Variants in ME1 observed in about 807,000 individuals in gnomAD.
The protein encoded by ME1 is NADP-dependent malic enzyme.
In ME1, 74 loss-of-function variants were observed where a neutral mutation model predicts 66.4. The observed-to-expected ratio is 1.11, with a 90% CI of 0.92 to 1.35. ME1 has a LOEUF of 1.35. Among genes scored for constraint, ME1 ranks in the 40% most tolerant of loss-of-function variants. The probability of loss-of-function intolerance (pLI) is 0.00; values close to 1 mark genes in which losing one functional copy is unlikely to be tolerated. For missense variants in ME1, 750 were observed against 694.1 expected (o/e 1.08, Z -0.90); for synonymous variants, 251 against 235.6 (o/e 1.07, Z -0.60).
chr6:83,225,753 T>A (rs994581266), intron 11 of ME1, among the ~76,000 whole-genome samples: 1 of 150,726 alleles, frequency 6.6e-6, no homozygotes, highest in African/African-American at 2.4e-5. Flanking sequence ...AACTAAATTA[T>A]TACTTCATAT....
chr6:83,428,192 G>T (rs949311201), intron 1 of ME1, among the ~76,000 whole-genome samples: 3 of 151,966 alleles, frequency 2.0e-5, no homozygotes, highest in Non-Finnish European at 1.5e-5. Flanking sequence ...ACACAAAAAG[G>T]AAAGAATTAA....
At chr6:83,231,462 A>C (rs1255802941) in intron 9 of ME1, among the ~76,000 whole-genome samples, 2 of 152,182 alleles carry the variant, frequency 1.3e-5, no homozygotes, top group Non-Finnish European at 2.9e-5. Flanking sequence ...AAAACAGAAG[A>C]AGCAAAAGAC....
chr6:83,228,694 G>T (rs1790243813), intron 10 of ME1, 132 bp downstream of exon 10: 1 of 653,708 alleles, frequency 1.5e-6, no homozygotes. Flanking sequence ...TCTCTACAGG[G>T]TACTGTCGCT....
intron 9 of ME1, among the ~76,000 whole-genome samples, chr6:83,230,702 C>G (rs541811140): frequency 6.6e-6 from 1 of 152,034 alleles, no homozygotes; most frequent in Non-Finnish European, 1.5e-5. Context: ...GAGGCTGAGG[C>G]GGGCGGATCA....
chr6:83,424,194 A>G (rs1770325191), intron 1 of ME1, among the ~76,000 whole-genome samples: 1 of 152,166 alleles, frequency 6.6e-6, no homozygotes, highest in African/African-American at 2.4e-5. Flanking sequence ...TAATACATAT[A>G]ACTACAACAT....
intron 6 of ME1, among the ~76,000 whole-genome samples, chr6:83,272,812 A>G (rs1767109145): frequency 6.6e-6 from 1 of 152,210 alleles, no homozygotes; most frequent in South Asian, 2.1e-4. Flanking sequence ...TGATATTTAT[A>G]TGTGTATTTA....
intron 12 of ME1, among the ~76,000 whole-genome samples, chr6:83,222,286 T>C (rs1288352096): frequency 2.6e-5 from 4 of 152,224 alleles, no homozygotes; most frequent in African/African-American, 9.6e-5. Context: ...TGCTTTTTAA[T>C]GCAGTGAAGA....
At chr6:83,390,373 G>T (rs1016968493) in intron 3 of ME1, among the ~76,000 whole-genome samples, 1 of 152,118 alleles carries the variant, frequency 6.6e-6, no homozygotes, top group Non-Finnish European at 1.5e-5. Flanking sequence ...AATACCTGCT[G>T]TTGTAGTAGA....
rs544400030 is a variant in ME1, at chr6:83,430,045, C to T, written c.78+832G>A. 1.1e-3 allele frequency among the ~76,000 whole-genome samples: 161 copies of T among 152,224 alleles called. 5 individuals carry two copies. The South Asian group carries it at 0.032, about 30-fold the overall frequency. ...AGAGACATCCCGAGTGCTTATATTG[C>T]ATCACCAGTGAAGGAAAATGAAATG... On this transcript the variant is annotated intron_variant, in intron 1 of 13. Coordinates refer to ENST00000369705, the MANE Select transcript of ME1 (RefSeq NM_002395.6).
intron 6 of ME1, among the ~76,000 whole-genome samples, chr6:83,312,558 A>G (rs1277352828): frequency 6.6e-6 from 1 of 152,116 alleles, no homozygotes. Context: ...ATGGAGAAAG[A>G]GGGGGAGGTT....
At chr6:83,258,775 T>C (rs1428122626) in intron 6 of ME1, among the ~76,000 whole-genome samples, 1 of 152,070 alleles carries the variant, frequency 6.6e-6, no homozygotes, top group African/African-American at 2.4e-5. Flanking sequence ...AAAGCCATGG[T>C]TGAGTTCATA....
chr6:83,269,165 G>A (rs1434440545), intron 6 of ME1, among the ~76,000 whole-genome samples: 1 of 152,058 alleles, frequency 6.6e-6, no homozygotes, highest in East Asian at 1.9e-4. Flanking sequence ...AATACTCAGT[G>A]CTAATAAACA....
chr6:83,360,798 G>C (rs1337613835), intron 3 of ME1, among the ~76,000 whole-genome samples: 1 of 152,204 alleles, frequency 6.6e-6, no homozygotes, highest in Non-Finnish European at 1.5e-5. Flanking sequence ...GTAGATTATT[G>C]TAAGCTTAAC....
intron 6 of ME1, among the ~76,000 whole-genome samples, chr6:83,256,146 C>T (rs924170126): frequency 2.6e-5 from 4 of 152,132 alleles, no homozygotes; most frequent in African/African-American, 4.8e-5. Flanking sequence ...CTTAACTGTT[C>T]TGTGCCTCTG....
chr6:83,243,236 A>C (rs1179839733), intron 7 of ME1, among the ~76,000 whole-genome samples: 6 of 149,946 alleles, frequency 4.0e-5, no homozygotes, highest in Non-Finnish European at 7.4e-5. Context: ...GCTGCACTCC[A>C]GTCCAGCCTG....
At chr6:83,413,331 T>C (rs775636468) in intron 1 of ME1, among the ~76,000 whole-genome samples, 8 of 152,242 alleles carry the variant, frequency 5.3e-5, no homozygotes, top group Non-Finnish European at 1.0e-4. Flanking sequence ...CCAGGCACAG[T>C]GGCTCGCACA....
intron 1 of ME1, among the ~76,000 whole-genome samples, chr6:83,422,462 G>GAAACAGGA (rs911848221): frequency 6.6e-6 from 1 of 152,078 alleles, no homozygotes; most frequent in Non-Finnish European, 1.5e-5. Flanking sequence ...ACTCAACATA[G>GAAACAGGA]AAACAGGAAA....
intron 5 of ME1, among the ~76,000 whole-genome samples, chr6:83,343,699 C>T (rs913001840): frequency 6.6e-6 from 1 of 152,058 alleles, no homozygotes; most frequent in African/African-American, 2.4e-5. Flanking sequence ...ATGCGTTCTG[C>T]AGGCTGAGGA....
chr6:83,396,046 CA>C (rs941812955), intron 3 of ME1, among the ~76,000 whole-genome samples: 6 of 151,946 alleles, frequency 3.9e-5, no homozygotes, highest in African/African-American at 1.5e-4. Context: ...CCAAAAATAT[CA>C]AAAAAGCAAT....
Sources: gnomAD v4.1 joint callset for allele counts (sites outside exome capture counted in the v4.1 genomes callset) on GRCh38, gnomAD v4.1.1 for gene constraint, MANE v1.5 for transcripts, NCBI Gene and HGNC (gene_info 2026-07-23, HGNC 2026-07-21) for gene names.